KNOP1: variants seen among roughly 807,000 people sequenced by gnomAD.
KNOP1 encodes lysine rich nucleolar protein 1.
KNOP1 carries 20 observed loss-of-function variants against 30.6 expected under a neutral mutation model. That is an observed-to-expected ratio of 0.65 (90% confidence interval 0.46 to 0.95). KNOP1 has a LOEUF of 0.95. Ranked by LOEUF, KNOP1 falls within the 40% of genes least tolerant of loss-of-function variation. The pLI is 0.00. For missense variants in KNOP1, 540 were observed against 562.0 expected, an observed-to-expected ratio of 0.96 and a Z score of 0.40; for synonymous variants, 204 against 210.0, an observed-to-expected ratio of 0.97 and a Z score of 0.25.
At position 19,714,933 on chromosome 16, in the gene KNOP1, CATT is replaced by C; in HGVS notation, c.100_102del (p.Asn34del). 7 of 1,613,454 alleles carry C rather than the reference CATT, an allele frequency of 4.3e-6. No homozygotes were observed. The South Asian group carries it at 6.6e-5, about 15-fold the overall frequency. ...GGAGAAACATCAGCAAAGTAATCATCATTGTTTAAAACTGAGTATCGAGTCTCT... is the reference window on the plus strand; with the variant it reads ...GGAGAAACATCAGCAAAGTAATCATCGTTTAAAACTGAGTATCGAGTCTCT... On this transcript the variant is annotated inframe_deletion, in exon 2 of 5. Transcript: ENST00000219837.
intron 1 of KNOP1, among the ~76,000 whole-genome samples, chr16:19,715,921 A>G (rs1977036886): frequency 6.6e-6 from 1 of 152,200 alleles, no homozygotes; most frequent in Admixed American, 6.5e-5. Flanking sequence ...CCTGCACTAG[A>G]CATTCCCAGA....
At chr16:19,718,072 T>C (rs898078135) in intron 1 of KNOP1, 86 bp downstream of exon 1, 70 of 1,422,682 alleles carry the variant, frequency 4.9e-5, no homozygotes, top group Non-Finnish European at 6.3e-5. Context: ...GTGGACCGCA[T>C]TTCCCCATCT....
At position 19,707,158 on chromosome 16, in the gene KNOP1, G is replaced by T; in HGVS notation, c.1129C>A (p.Leu377Ile). ...FENEDQKLKF[L>I]RLMGGFKNLS... Reference sequence around the variant, plus strand: ...TTTTTGAAGCCACCCATAAGTCTGAGAAATTTCAGTTTTTGGTCCTCGTTC... The same window carrying T: ...TTTTTGAAGCCACCCATAAGTCTGATAAATTTCAGTTTTTGGTCCTCGTTC... Residue 377 changes from leucine to isoleucine, a missense_variant, in exon 5 of 5, where the codon CTC becomes ATC. Leu to Ile is a conservative substitution (Grantham distance 5). Transcript: ENST00000219837. 1 of 1,614,030 alleles carries T rather than the reference G, an allele frequency of 6.2e-7. No individual in the cohort carries two copies. The highest frequency in any genetic ancestry group is 1.7e-5 in the Admixed American group (1 of 60,002).
rs367676691 is a variant in KNOP1 at position 19,714,634 on chromosome 16, G to C, written c.402C>G (p.Asp134Glu). ...SHASGVKTSP[D>E]PRQGEEETRV... The stretch of plus-strand genomic sequence containing the variant: ...TGGTTTCCTCCTCACCCTGTCTAGG[G>C]TCTGGGGAGGTTTTCACCCCAGAGG... The change falls in exon 2 of 5, where the codon GAC becomes GAG. Residue 134 changes from aspartate to glutamate, a missense_variant. By Grantham distance (45) the Asp-to-Glu change is conservative. Coordinates refer to ENST00000219837, the MANE Select transcript of KNOP1 (RefSeq NM_001012991.3). 6.2e-7 allele frequency: 1 copy of C among 1,613,916 alleles called. No homozygotes were observed. The highest frequency in any genetic ancestry group is 1.3e-5 in the African/African-American group (1 of 74,868).
rs1976188131 is a variant in KNOP1, at chr16:19,702,142, C to T, written c.*4768G>A. 1 of 152,010 alleles carries T rather than the reference C, an allele frequency of 6.6e-6. No homozygotes were observed. The highest frequency in any genetic ancestry group is 2.4e-5 in the African/African-American group (1 of 41,400). 9.4% of individuals were successfully genotyped at this position (152,010 alleles called of 1,614,324 possible). A position where few individuals can be genotyped will look rare whatever the true frequency, so the allele number is the denominator to read the frequency against. ...GGGATAACAGGAGTGCGCCACCACA[C>T]CCAGCTAATTTTGTATTTTTAGTAG... is the stretch of plus-strand genomic sequence containing the variant. On this transcript the variant is annotated 3_prime_UTR_variant, in exon 5 of 5. Transcript: ENST00000219837.
rs573861999 is a variant in KNOP1, at chr16:19,702,476, G to A, written c.*4434C>T. 3.3e-5 allele frequency: 5 copies of A among 152,232 alleles called. No individual in the cohort carries two copies. Among genetic ancestry groups the A allele is most frequent in the South Asian group, 4.1e-4 (2 of 4,820 alleles). The allele number at this position is 152,232 out of a possible 1,614,324, so 9.4% of individuals were successfully genotyped here. ...CCGCTCTCACATTACACCTGAACTT[G>A]GACTTTCACATGAGGTCGGGCACCC... On this transcript the variant is annotated 3_prime_UTR_variant, in exon 5 of 5. Transcript: ENST00000219837.
rs202156332 is a variant in KNOP1, at chr16:19,707,141, G to A, written c.1146C>T (p.Gly382=). 8.1e-6 allele frequency: 13 copies of A among 1,614,086 alleles called. No homozygotes were observed. The highest frequency in any genetic ancestry group is 3.3e-4 in the Middle Eastern group (2 of 6,038). Residue 382 remains glycine, a synonymous_variant, in exon 5 of 5, where the codon GGC becomes GGT. Transcript: ENST00000219837. Reference sequence around the variant, plus strand: ...TGAACGAAGGGGACAGGTTTTTGAAGCCACCCATAAGTCTGAGAAATTTCA... The same window carrying A: ...TGAACGAAGGGGACAGGTTTTTGAAACCACCCATAAGTCTGAGAAATTTCA... ...QKLKFLRLMG[G]FKNLSPSFSR...
chr16:19,708,901 T>G (rs1471272156), intron 4 of KNOP1, among the ~76,000 whole-genome samples: 2 of 152,148 alleles, frequency 1.3e-5, no homozygotes, highest in African/African-American at 4.8e-5. Flanking sequence ...TTCCAACGGC[T>G]GCTGCCCACC....
chr16:19,713,788 G>T (rs1399664768), intron 2 of KNOP1, among the ~76,000 whole-genome samples: 2 of 152,140 alleles, frequency 1.3e-5, no homozygotes, highest in African/African-American at 4.8e-5. Context: ...GAAAGCAAGG[G>T]ATTCATCTGA....
rs1436712402 is a variant in KNOP1 at position 19,705,177 on chromosome 16, C to CA, written c.*1732dup. 4.4e-6 allele frequency: 2 copies of CA among 455,952 alleles called. No individual in the cohort carries two copies. The highest frequency in any genetic ancestry group is 4.0e-5 in the African/African-American group (2 of 50,068). The allele number at this position is 455,952 out of a possible 1,614,324, so 28.2% of individuals were successfully genotyped here. ...TTTGTACTAGCCTTGATGAAGCCAA[C>CA]ACTGGAGATGATGGAGAGAATGCTT... On this transcript the variant is annotated 3_prime_UTR_variant, in exon 5 of 5. Transcript: ENST00000219837.
intron 2 of KNOP1, chr16:19,711,774 C>T (rs989372357): frequency 1.7e-5 from 6 of 359,286 alleles, no homozygotes; most frequent in Non-Finnish European, 3.2e-5. Context: ...CCGACCTTTC[C>T]CACTACACAC....
At chr16:19,710,432 C>A (rs760539752) in intron 4 of KNOP1, 77 bp downstream of exon 4, 2 of 1,433,224 alleles carry the variant, frequency 1.4e-6, no homozygotes, top group South Asian at 2.3e-5. Context: ...CTGCTCCACT[C>A]CTCATGCTGG....
chr16:19,714,330 C>T lies in KNOP1; in HGVS notation c.706G>A (p.Glu236Lys). Residue 236 changes from glutamate to lysine, a missense_variant, in exon 2 of 5, where the codon GAG becomes AAG. Coordinates refer to ENST00000219837, the MANE Select transcript of KNOP1 (RefSeq NM_001012991.3). ...TTACTTCCTTTCCTAGGGCTGCTCT[C>T]CATGGACCTGGAGGGCTTGGAGTGG... The part of the protein sequence containing the change: ...PGHSKPSRSM[E>K]SSPRKGSKKK... The T allele has an allele frequency of 1.9e-6, 3 of 1,614,058 alleles. No homozygotes were observed. The highest frequency in any genetic ancestry group is 1.1e-5 in the South Asian group (1 of 91,074).
rs1976897207 is a variant in KNOP1, at chr16:19,714,523, G to T, written c.513C>A (p.Phe171Leu). 6.2e-7 allele frequency: 1 copy of T among 1,614,086 alleles called. No homozygotes were observed. The highest frequency in any genetic ancestry group is 8.5e-7 in the Non-Finnish European group (1 of 1,180,014). The change falls in exon 2 of 5, where the codon TTC (phenylalanine) becomes TTA (leucine). Residue 171 changes from phenylalanine (F) to leucine (L), a missense_variant. Physicochemically the swap from Phe to Leu is conservative, Grantham distance 22. Coordinates refer to ENST00000219837, the MANE Select transcript of KNOP1 (RefSeq NM_001012991.3). ...PTAFSVQDPWFCEAREARDVG... is the reference protein window; with the variant it reads ...PTAFSVQDPWLCEAREARDVG... ...CATCCCTGGCCTCCCTGGCCTCACA[G>T]AACCAAGGGTCCTGGACCGAGAAGG...
chr16:19,713,543 G>C (rs529436246), intron 2 of KNOP1, among the ~76,000 whole-genome samples: 7 of 152,246 alleles, frequency 4.6e-5, no homozygotes, highest in African/African-American at 1.7e-4. Context: ...GAGCTGCCGG[G>C]ACCATCAGGT....
At chr16:19,717,029 G>C (rs1319492370) in intron 1 of KNOP1, among the ~76,000 whole-genome samples, 1 of 151,794 alleles carries the variant, frequency 6.6e-6, no homozygotes, top group Non-Finnish European at 1.5e-5. Flanking sequence ...TTTTAGTAGG[G>C]ACGGGGTTTT....
intron 4 of KNOP1, 114 bp from the exon 5 acceptor site, chr16:19,707,335 G>A (rs970010121): frequency 1.3e-6 from 1 of 776,828 alleles, no homozygotes. Context: ...CTGTGTACCA[G>A]GCACAGTGCT....
chr16:19,707,706 C>A (rs1468939132), intron 4 of KNOP1, among the ~76,000 whole-genome samples: 7 of 106,874 alleles, frequency 6.5e-5, no homozygotes, highest in African/African-American at 2.6e-4. Flanking sequence ...CACCACTCTA[C>A]AGAGCACACT....
At position 19,714,685 on chromosome 16, in the gene KNOP1, C is replaced by A. The variant is rs745510667; in HGVS notation, c.351G>T (p.Lys117Asn). The change falls in exon 2 of 5, where the codon AAG becomes AAT. Residue 117 changes from lysine (K) to asparagine (N), a missense_variant. Lys to Asn is a moderately conservative substitution (Grantham distance 94). Coordinates refer to ENST00000219837, the MANE Select transcript of KNOP1 (RefSeq NM_001012991.3). ...CATGGGACATGGCTAGAGGTGACTTCTTATTTTTCTTTTCCCCACTGAGGA... is the reference window on the plus strand; with the variant it reads ...CATGGGACATGGCTAGAGGTGACTTATTATTTTTCTTTTCCCCACTGAGGA... Reference protein sequence around the residue: ...LEFLSGEKKNKKSPLAMSHAS... With the variant: ...LEFLSGEKKNNKSPLAMSHAS... 5.6e-6 allele frequency: 9 copies of A among 1,614,090 alleles called. No individual in the cohort carries two copies. The highest frequency in any genetic ancestry group is 7.6e-6 in the Non-Finnish European group (9 of 1,180,002).
Sources: gnomAD v4.1 joint callset for allele counts (sites outside exome capture counted in the v4.1 genomes callset) on GRCh38, gnomAD v4.1.1 for gene constraint, MANE v1.5 for transcripts, NCBI Gene and HGNC (gene_info 2026-07-23, HGNC 2026-07-21) for gene names.